FRMD5: variants seen among roughly 807,000 people sequenced by gnomAD.
FRMD5 encodes FERM domain containing 5.
In FRMD5, 20 loss-of-function variants were observed where a neutral mutation model predicts 69.0. The ratio of observed to expected loss-of-function variants is 0.29; its 90% CI spans 0.20 to 0.42. The LOEUF is 0.42. Ranked by LOEUF, FRMD5 falls within the 10% of genes least tolerant of loss-of-function variation. FRMD5 has a pLI of 1.00. For missense variants in FRMD5, 595 were observed against 708.6 expected (o/e 0.84, Z 1.82); for synonymous variants, 271 against 260.1 (o/e 1.04, Z -0.40).
chr15:44,154,512 T>C (rs965307972), intron 1 of FRMD5, among the ~76,000 whole-genome samples: 2 of 152,212 alleles, frequency 1.3e-5, no homozygotes, highest in Non-Finnish European at 2.9e-5. Context: ...TGCAACAGTA[T>C]AAAATAGTTA....
chr15:43,984,538 C>T (rs1889291497), intron 1 of FRMD5, among the ~76,000 whole-genome samples: 1 of 152,218 alleles, frequency 6.6e-6, no homozygotes, highest in African/African-American at 2.4e-5. Flanking sequence ...AACTGCTTTC[C>T]CATTCACTAC....
At chr15:44,195,899 C>T (rs76755511), upstream of FRMD5, among the ~76,000 whole-genome samples, 1 of 152,144 alleles carries the variant, frequency 6.6e-6, no homozygotes, top group Non-Finnish European at 1.5e-5. Context: ...CCCTTTGCCT[C>T]CTTTTTATTT....
At chr15:44,147,201 G>A (rs2077370073) in intron 1 of FRMD5, among the ~76,000 whole-genome samples, 1 of 152,074 alleles carries the variant, frequency 6.6e-6, no homozygotes, top group Non-Finnish European at 1.5e-5. Context: ...TCGATTTTCT[G>A]CATATGGCTA....
intron 6 of FRMD5, 30 bp from the exon 7 acceptor site, chr15:43,902,292 G>T (rs1346950329): frequency 3.8e-6 from 6 of 1,574,744 alleles, no homozygotes; most frequent in Non-Finnish European, 5.2e-6. Flanking sequence ...ATGATTTCAA[G>T]GTGTCTTGTT....
At chr15:43,990,051 C>G (rs1306306598) in intron 1 of FRMD5, 2 of 746,000 alleles carry the variant, frequency 2.7e-6, no homozygotes, top group Admixed American at 1.8e-5. Flanking sequence ...CCATGCCCAC[C>G]GTCACGCCCT....
intron 1 of FRMD5, among the ~76,000 whole-genome samples, chr15:44,043,876 A>G (rs1566916789): frequency 6.6e-6 from 1 of 152,216 alleles, no homozygotes; most frequent in Non-Finnish European, 1.5e-5. Flanking sequence ...CAAAGACTGC[A>G]TGACTAAAAC....
intron 1 of FRMD5, among the ~76,000 whole-genome samples, chr15:44,114,120 T>C (rs939310689): frequency 2.4e-4 from 36 of 152,098 alleles, no homozygotes; most frequent in South Asian, 4.1e-4. Flanking sequence ...TATAAAGACG[T>C]AACCTAATGA....
At chr15:44,040,981 G>A (rs1892160605) in intron 1 of FRMD5, among the ~76,000 whole-genome samples, 2 of 58,980 alleles carry the variant, frequency 3.4e-5, no homozygotes, top group African/African-American at 1.5e-4. Context: ...ATTTACCAAG[G>A]AAATGGAAAG....
chr15:43,977,151 T>C (rs1019231603), intron 1 of FRMD5, among the ~76,000 whole-genome samples: 2 of 151,796 alleles, frequency 1.3e-5, no homozygotes, highest in East Asian at 1.9e-4. Flanking sequence ...AAAGTTTCTA[T>C]AGGGGAGGGG....
At chr15:43,900,912 C>T (rs889222007) in intron 7 of FRMD5, among the ~76,000 whole-genome samples, 9 of 152,092 alleles carry the variant, frequency 5.9e-5, no homozygotes, top group South Asian at 2.1e-4. Flanking sequence ...CCACTGCGCC[C>T]GGCATTCCTA....
rs745934242 is a variant in FRMD5, at chr15:43,874,174, A to G, written c.1424T>C (p.Leu475Pro). Residue 475 changes from leucine (L) to proline (P), a missense_variant, in exon 14 of 14, where the codon CTT becomes CCT. Leu to Pro is a moderately conservative substitution (Grantham distance 98). This residue lies in a region of FRMD5 where 245 missense variants were observed against 227.1 expected (regional missense o/e 1.08). Coordinates refer to ENST00000417257, the MANE Select transcript of FRMD5 (RefSeq NM_032892.5). Reference sequence around the variant, plus strand: ...ACACAGGGCCCTCAGCTCTCCCCCAAGGGCCTCCACCTCTGTAGCAGTTGG... The same window carrying G: ...ACACAGGGCCCTCAGCTCTCCCCCAGGGGCCTCCACCTCTGTAGCAGTTGG... ...STPTATEVEA[L>P]GGELRALCQG... The G allele has an allele frequency of 6.8e-6, 11 of 1,614,048 alleles. No individual in the cohort carries two copies. The highest frequency in any genetic ancestry group is 1.7e-5 in the Admixed American group (1 of 60,012).
intron 1 of FRMD5, among the ~76,000 whole-genome samples, chr15:44,016,532 G>A (rs1890964991): frequency 1.3e-5 from 2 of 151,944 alleles, no homozygotes; most frequent in Admixed American, 6.6e-5. Flanking sequence ...AGACCAGCCT[G>A]GCCAACATGC....
chr15:44,084,600 A>G (rs996852854), intron 1 of FRMD5, among the ~76,000 whole-genome samples: 7 of 152,044 alleles, frequency 4.6e-5, no homozygotes, highest in Non-Finnish European at 8.8e-5. Flanking sequence ...CCTTTTTTGT[A>G]TATTATCCAC....
chr15:43,942,712 T>C (rs1240675155), intron 1 of FRMD5, among the ~76,000 whole-genome samples: 1 of 152,222 alleles, frequency 6.6e-6, no homozygotes, highest in Non-Finnish European at 1.5e-5. Flanking sequence ...TAATTAGGTA[T>C]TAATCATAAC....
intron 2 of FRMD5, among the ~76,000 whole-genome samples, chr15:43,921,850 C>T (rs2089498302): frequency 6.6e-6 from 1 of 152,196 alleles, no homozygotes; most frequent in Admixed American, 6.5e-5. Flanking sequence ...AAGGGCAGCT[C>T]CTCCAGGAGA....
intron 1 of FRMD5, among the ~76,000 whole-genome samples, chr15:44,071,578 T>C (rs190442280): frequency 1.3e-5 from 2 of 152,352 alleles, no homozygotes; most frequent in East Asian, 3.9e-4. Flanking sequence ...ACGGTGAGCT[T>C]ACAGCTAATT....
At chr15:44,025,872 T>C (rs1052425514) in intron 1 of FRMD5, among the ~76,000 whole-genome samples, 2 of 152,176 alleles carry the variant, frequency 1.3e-5, no homozygotes, top group African/African-American at 2.4e-5. Context: ...CAGGATAAGT[T>C]CTGAAACCTG....
intron 1 of FRMD5, among the ~76,000 whole-genome samples, chr15:44,179,108 C>G (rs1395683829): frequency 6.6e-6 from 1 of 151,946 alleles, no homozygotes; most frequent in Non-Finnish European, 1.5e-5. Context: ...ATTAACCTAT[C>G]TGAAAAAAAG....
intron 1 of FRMD5, among the ~76,000 whole-genome samples, chr15:44,066,142 C>G (rs1893301039): frequency 6.6e-6 from 1 of 152,130 alleles, no homozygotes; most frequent in African/African-American, 2.4e-5. Flanking sequence ...TCTGCTTTAT[C>G]TTTTCAAGAT....
Sources: allele counts gnomAD v4.1 joint callset (sites outside exome capture counted in the v4.1 genomes callset), GRCh38; gene constraint gnomAD v4.1.1; regional missense constraint gnomAD v4.1.1; transcripts MANE v1.5; gene names NCBI Gene and HGNC (gene_info 2026-07-23, HGNC 2026-07-21).